WNK1: variants seen among roughly 807,000 people sequenced by gnomAD.
WNK1 encodes WNK lysine deficient protein kinase 1.
A neutral mutation model predicts 222.8 loss-of-function variants in WNK1; 38 were observed. The observed-to-expected ratio is 0.17, with a 90% CI of 0.13 to 0.22. The LOEUF (loss-of-function observed/expected upper bound fraction) is 0.22. WNK1 is among the 10% of genes least tolerant of loss of function. The probability of loss-of-function intolerance (pLI) is 1.00; values close to 1 mark genes in which losing one functional copy is unlikely to be tolerated. For missense variants in WNK1, 2,348 were observed against 2,918.4 expected, an observed-to-expected ratio of 0.80 and a Z score of 4.50; for synonymous variants, 1,090 against 1,092.9, an observed-to-expected ratio of 1.00 and a Z score of 0.05.
intron 4 of WNK1, among the ~76,000 whole-genome samples, chr12:843,860 T>C (rs1312222058): frequency 1.3e-5 from 2 of 152,208 alleles, no homozygotes; most frequent in Non-Finnish European, 2.9e-5. Context: ...CATATGTACA[T>C]TAAAGTTTGA....
intron 1 of WNK1, among the ~76,000 whole-genome samples, chr12:795,969 C>A (rs1945279057): frequency 6.6e-6 from 1 of 152,124 alleles, no homozygotes; most frequent in Admixed American, 6.6e-5. Context: ...CTGACTGCAA[C>A]CTCTGCCTCC....
intron 1 of WNK1, among the ~76,000 whole-genome samples, chr12:754,982 T>C (rs956432351): frequency 1.3e-5 from 2 of 152,238 alleles, no homozygotes; most frequent in East Asian, 1.9e-4. Flanking sequence ...TGCAAAATTG[T>C]GTAAGTGCTT....
intron 1 of WNK1, among the ~76,000 whole-genome samples, chr12:795,353 C>G (rs1005655031): frequency 6.6e-6 from 1 of 151,048 alleles, no homozygotes; most frequent in African/African-American, 2.4e-5. Context: ...TGTATCCCCC[C>G]ACCCAAGTCT....
At chr12:865,469 G>T in intron 8 of WNK1, 1 of 1,383,138 alleles carries the variant, frequency 7.2e-7, no homozygotes, top group Non-Finnish European at 9.6e-7. Context: ...ACTAAACTTG[G>T]TTATATTATG....
At chr12:879,469 C>CTTTTTTTTTGG in intron 10 of WNK1, 104 bp from the exon 11 acceptor site, 1 of 564,210 alleles carries the variant, frequency 1.8e-6, no homozygotes, top group Non-Finnish European at 2.6e-6. Context: ...TTTGTTTTTT[C>CTTTTTTTTTGG]CTTCTTTTTG....
rs1449771017 is a variant in WNK1, at chr12:827,331, T to A, written c.1153+69T>A. The A allele has an allele frequency of 1.4e-6, 2 of 1,398,560 alleles. No homozygotes were observed. Among genetic ancestry groups the A allele is most frequent in the Non-Finnish European group, 2.0e-6 (2 of 984,950 alleles). The allele number at this position is 1,398,560 out of a possible 1,614,324, so 86.6% of individuals were successfully genotyped here. On this transcript the variant is annotated intron_variant, in intron 3 of 27. Transcript: ENST00000315939. This position sits in a 1 kb window ranked among gnomAD's most constrained non-coding sequence, Gnocchi z 4.6. ...TTCCTTTTATTTAGAATCCTGGCTC[T>A]GTCAGAGTTTTAAGTGATATAAACC...
chr12:859,753 A>G (rs1951063133), intron 6 of WNK1, among the ~76,000 whole-genome samples: 1 of 150,756 alleles, frequency 6.6e-6, no homozygotes, highest in African/African-American at 2.4e-5. Flanking sequence ...TTGCTCTGTC[A>G]CCAGGCTGGA....
intron 4 of WNK1, among the ~76,000 whole-genome samples, chr12:834,579 G>A (rs747601474): frequency 7.9e-5 from 12 of 152,144 alleles, no homozygotes; most frequent in Non-Finnish European, 1.6e-4. Flanking sequence ...GGTTTTGGAA[G>A]CAAAGTCTTG....
chr12:906,825 A>C (rs774240108), intron 26 of WNK1: 38 of 870,172 alleles, frequency 4.4e-5, no homozygotes, highest in Non-Finnish European at 5.2e-5. Flanking sequence ...GGATTGCCTG[A>C]GCCCAGCAGT....
At chr12:841,301 C>T (rs2154041828) in intron 4 of WNK1, among the ~76,000 whole-genome samples, 1 of 152,224 alleles carries the variant, frequency 6.6e-6, no homozygotes, top group South Asian at 2.1e-4. Context: ...CACTAATCTG[C>T]TTTCTGTCTC....
At chr12:833,592 G>A (rs1948969991) in intron 4 of WNK1, among the ~76,000 whole-genome samples, 1 of 151,966 alleles carries the variant, frequency 6.6e-6, no homozygotes, top group Admixed American at 6.6e-5. Context: ...TATCTGATTG[G>A]TTTCACTGTA....
chr12:880,407 A>T (rs890792662), intron 11 of WNK1, among the ~76,000 whole-genome samples: 1 of 152,190 alleles, frequency 6.6e-6, no homozygotes, highest in African/African-American at 2.4e-5. Context: ...TATGACTGTT[A>T]TGTGGAAGAA....
rs1954111043 is a variant in WNK1, at chr12:890,434, G to C, written c.5449-19G>C. The C allele has an allele frequency of 1.2e-6, 2 of 1,614,116 alleles. No homozygotes were observed. The highest frequency in any genetic ancestry group is 1.7e-6 in the Non-Finnish European group (2 of 1,179,966). ...CTGAAGCTAAAGATTTGTGGTGTCT[G>C]TCTGTGTGTGTTTTACAGCCTGTGT... is the stretch of plus-strand genomic sequence containing the variant. On this transcript the variant is annotated intron_variant, in intron 21 of 27. Transcript: ENST00000315939.
At chr12:775,310 T>A (rs1234039668) in intron 1 of WNK1, among the ~76,000 whole-genome samples, 1 of 152,222 alleles carries the variant, frequency 6.6e-6, no homozygotes, top group African/African-American at 2.4e-5. Context: ...GATAAATGGC[T>A]TATCAAGTAA....
chr12:831,995 G>A (rs1948830307), intron 4 of WNK1, among the ~76,000 whole-genome samples: 1 of 151,434 alleles, frequency 6.6e-6, no homozygotes, highest in South Asian at 2.1e-4. Context: ...ATTGAATTTT[G>A]ATATAGAAGA....
At chr12:808,128 A>C (rs1418029969) in intron 1 of WNK1, among the ~76,000 whole-genome samples, 3 of 147,818 alleles carry the variant, frequency 2.0e-5, no homozygotes, top group Non-Finnish European at 4.5e-5. Context: ...GACCTCACCT[A>C]TAGTAGTTTG....
chr12:845,105 C>T lies in WNK1; in HGVS notation c.1312-12056C>T, dbSNP rs188368908. Among the ~76,000 whole-genome samples the T allele has an allele frequency of 4.2e-3, 637 of 151,522 alleles. 4 individuals carry two copies. The highest frequency in any genetic ancestry group is 0.014 in the African/African-American group (598 of 41,300). Reference sequence around the variant, plus strand: ...AGAGACGGGGTTTCACCGTTTTAGCCGGGATGGTCTCGATCTCCTGACCTC... The same window carrying T: ...AGAGACGGGGTTTCACCGTTTTAGCTGGGATGGTCTCGATCTCCTGACCTC... On this transcript the variant is annotated intron_variant, in intron 4 of 27. Transcript: ENST00000315939.
rs1278545125 is a variant in WNK1 at position 890,503 on chromosome 12, T to C, written c.5499T>C (p.Pro1833=). The part of the protein sequence containing the change: ...PTAITEAGTQ[P]QKGVSQVKEG... ...CAATCACAGAAGCAGGAACACAGCC[T>C]CAGAAGGGTGGTGAGAAACATCCTT... Residue 1833 remains proline, a synonymous_variant, in exon 22 of 28, where the codon CCT becomes CCC. Coordinates refer to ENST00000315939, the MANE Select transcript of WNK1 (RefSeq NM_018979.4). 1 of 1,613,998 alleles carries C rather than the reference T, an allele frequency of 6.2e-7. No homozygotes were observed. Among genetic ancestry groups the C allele is most frequent in the Non-Finnish European group, 8.5e-7 (1 of 1,180,008 alleles).
Position 894,647 on chromosome 12 carries a change from A to G in WNK1, c.5583+12A>G. The G allele has an allele frequency of 7.4e-6, 12 of 1,612,732 alleles. No individual in the cohort carries two copies. The highest frequency in any genetic ancestry group is 9.3e-6 in the Non-Finnish European group (11 of 1,178,746). On this transcript the variant is annotated intron_variant, in intron 23 of 27. Coordinates refer to ENST00000315939, the MANE Select transcript of WNK1 (RefSeq NM_018979.4). ...TGGGACGATTTCAGGTAAGACAGTC[A>G]CTTTGTGTTGCCTTGATTCCTTCCT...
Sources: gnomAD v4.1 joint callset for allele counts (sites outside exome capture counted in the v4.1 genomes callset) on GRCh38, gnomAD v4.1.1 for gene constraint, Gnocchi (gnomAD v3.1) non-coding constraint, MANE v1.5 for transcripts, NCBI Gene and HGNC (gene_info 2026-07-23, HGNC 2026-07-21) for gene names.